PCDHGA2: variants seen among roughly 807,000 people sequenced by gnomAD.
The protein encoded by PCDHGA2 is protocadherin gamma-A2.
A neutral mutation model predicts 59.2 loss-of-function variants in PCDHGA2; 40 were observed. The ratio of observed to expected loss-of-function variants is 0.68; its 90% CI spans 0.52 to 0.88. PCDHGA2 has a LOEUF of 0.88. PCDHGA2 is among the 40% of genes least tolerant of loss of function. PCDHGA2 has a pLI of 0.00. For missense variants in PCDHGA2, 1,226 were observed against 1,204.0 expected, an observed-to-expected ratio of 1.02 and a Z score of -0.27; for synonymous variants, 560 against 526.0, an observed-to-expected ratio of 1.06 and a Z score of -0.89.
intron 1 of PCDHGA2, among the ~76,000 whole-genome samples, chr5:141,462,745 TATG>T (rs1249238113): frequency 6.6e-6 from 1 of 152,262 alleles, no homozygotes; most frequent in Non-Finnish European, 1.5e-5. Flanking sequence ...CTGTAATTCC[TATG>T]ATGATTTTCT....
chr5:141,448,983 T>G (rs1157371020), intron 1 of PCDHGA2, among the ~76,000 whole-genome samples: 1 of 152,004 alleles, frequency 6.6e-6, no homozygotes, highest in East Asian at 1.9e-4. Flanking sequence ...ACTTCCATAT[T>G]AATATATAGA....
chr5:141,509,060 T>G (rs2099874519), intron 3 of PCDHGA2, among the ~76,000 whole-genome samples: 1 of 152,216 alleles, frequency 6.6e-6, no homozygotes, highest in Middle Eastern at 3.4e-3. Flanking sequence ...CAGAAAGCTC[T>G]CAGCTCCGGG....
rs746913952 is a variant in PCDHGA2, at chr5:141,432,898, G to T, written c.2425-61909G>T. 2.5e-6 allele frequency: 4 copies of T among 1,614,174 alleles called. No individual in the cohort carries two copies. Among genetic ancestry groups the T allele is most frequent in the Admixed American group, 3.3e-5 (2 of 60,034 alleles). ...TGGCCTTCGTCATCTTGCTGCTGGC[G>T]CTCAGGCTGCGGCGCTGGCACAAGT... On this transcript the variant is annotated intron_variant, in intron 1 of 3. Coordinates refer to ENST00000394576, the MANE Select transcript of PCDHGA2 (RefSeq NM_018915.4). The surrounding 1 kb of genome is among the most constrained non-coding windows in gnomAD (Gnocchi z 6.0).
intron 1 of PCDHGA2, chr5:141,344,670 G>A (rs1383007009): frequency 6.2e-7 from 1 of 1,613,978 alleles, no homozygotes; most frequent in South Asian, 1.1e-5. Flanking sequence ...GCTTGTCCTG[G>A]TTGCCTCTGA....
chr5:141,419,426 G>A (rs753089031), intron 1 of PCDHGA2: 19 of 1,613,194 alleles, frequency 1.2e-5, no homozygotes, highest in Non-Finnish European at 1.5e-5. Context: ...CTTCGACCAC[G>A]AGCAGCTGCG....
intron 1 of PCDHGA2, chr5:141,361,795 G>C (rs750920407): frequency 1.9e-6 from 3 of 1,613,220 alleles, no homozygotes; most frequent in Non-Finnish European, 2.5e-6. Flanking sequence ...GTTAGTGGGC[G>C]ACCTCAATGA....
At position 141,510,984 on chromosome 5, in the gene PCDHGA2, C is replaced by T. The variant is rs375865663; in HGVS notation, c.2610C>T (p.Ala870=). The change falls in exon 4 of 4, where the codon GCC becomes GCT. Residue 870 remains alanine (A), a synonymous_variant. Coordinates refer to ENST00000394576, the MANE Select transcript of PCDHGA2 (RefSeq NM_018915.4). ...GGAGCTCCACCCTGGGAGGGGGTGC[C>T]GGCACCATGGGATTGAGCGCCCGCT... The part of the protein sequence containing the change: ...ADGSSTLGGG[A]GTMGLSARYG... 20 of 1,614,044 alleles carry T rather than the reference C, an allele frequency of 1.2e-5. No homozygotes were observed. The East Asian group carries it at 1.6e-4, about 13-fold the overall frequency.
chr5:141,352,631 G>A (rs762118992), intron 1 of PCDHGA2: 3 of 1,611,150 alleles, frequency 1.9e-6, no homozygotes, highest in East Asian at 2.2e-5. Context: ...CAGTAATGAA[G>A]ATCACAAAAT....
At chr5:141,446,450 T>C (rs922188307) in intron 1 of PCDHGA2, among the ~76,000 whole-genome samples, 2 of 152,018 alleles carry the variant, frequency 1.3e-5, no homozygotes, top group Non-Finnish European at 2.9e-5. Context: ...AGTGCAGATA[T>C]TCAGTGTGTG....
Position 141,477,818 on chromosome 5 carries a change from C to T in PCDHGA2, c.2425-16989C>T, listed in dbSNP as rs202009040. 33 of 1,614,040 alleles carry T rather than the reference C, an allele frequency of 2.0e-5. No homozygotes were observed. The highest frequency in any genetic ancestry group is 1.3e-4 in the Admixed American group (8 of 60,006). On this transcript the variant is annotated intron_variant, in intron 1 of 3. Transcript: ENST00000394576. This position sits in a 1 kb window ranked among gnomAD's most constrained non-coding sequence, Gnocchi z 4.9. ...TCGCAATGACAATGCCCCCCAGGTCCTATATCCTCGGCCAGGTGGGAGCTC... is the reference window on the plus strand; with the variant it reads ...TCGCAATGACAATGCCCCCCAGGTCTTATATCCTCGGCCAGGTGGGAGCTC...
intron 1 of PCDHGA2, chr5:141,366,469 G>A (rs575828819): frequency 6.2e-7 from 1 of 1,614,256 alleles, no homozygotes. Context: ...TGCTGCTGGT[G>A]CTCAGACTGA....
At chr5:141,413,796 G>A in intron 1 of PCDHGA2, 2 of 1,613,190 alleles carry the variant, frequency 1.2e-6, no homozygotes, top group Non-Finnish European at 1.7e-6. Flanking sequence ...TAGATCGCGA[G>A]GAAGAGGCCA....
At chr5:141,410,583 G>A (rs1257322419) in intron 1 of PCDHGA2, 1 of 1,610,052 alleles carries the variant, frequency 6.2e-7, no homozygotes, top group African/African-American at 1.3e-5. Context: ...CCTCATGGTG[G>A]GGAGGATTTG....
intron 1 of PCDHGA2, chr5:141,345,972 C>T (rs753949657): frequency 6.2e-7 from 1 of 1,613,558 alleles, no homozygotes; most frequent in Non-Finnish European, 8.5e-7. Flanking sequence ...GGTGGCCGTC[C>T]AGGACCACGG....
intron 1 of PCDHGA2, chr5:141,373,837 A>C (rs1457844906): frequency 9.4e-6 from 4 of 427,674 alleles, no homozygotes; most frequent in East Asian, 3.5e-5. Flanking sequence ...GTATTAAGTT[A>C]GGACTCTAAG....
intron 1 of PCDHGA2, among the ~76,000 whole-genome samples, chr5:141,460,914 A>G (rs62379191): frequency 4.9e-5 from 6 of 122,236 alleles, no homozygotes; most frequent in Non-Finnish European, 5.2e-5. Context: ...TCCATGGTGT[A>G]TATATATATA....
At chr5:141,347,270 C>T (rs1053311179) in intron 1 of PCDHGA2, among the ~76,000 whole-genome samples, 2 of 151,906 alleles carry the variant, frequency 1.3e-5, no homozygotes, top group African/African-American at 4.8e-5. Context: ...CCTCCCACCT[C>T]AGCCTCCCGA....
intron 1 of PCDHGA2, among the ~76,000 whole-genome samples, chr5:141,465,502 G>T (rs948827391): frequency 6.6e-6 from 1 of 152,152 alleles, no homozygotes; most frequent in Non-Finnish European, 1.5e-5. Flanking sequence ...GAGCATTGTC[G>T]TGGTCAGGAA....
At chr5:141,368,255 T>C (rs1354188654) in intron 1 of PCDHGA2, among the ~76,000 whole-genome samples, 1 of 152,202 alleles carries the variant, frequency 6.6e-6, no homozygotes, top group Non-Finnish European at 1.5e-5. Context: ...GAAAGGTTAA[T>C]TGACACATTA....
Sources: allele counts gnomAD v4.1 joint callset (sites outside exome capture counted in the v4.1 genomes callset), GRCh38; gene constraint gnomAD v4.1.1; non-coding constraint Gnocchi (gnomAD v3.1); transcripts MANE v1.5; gene names NCBI Gene and HGNC (gene_info 2026-07-23, HGNC 2026-07-21).